The following POLR3A variants were observed in gnomAD, a reference collection of about 807,000 sequenced individuals.
POLR3A encodes DNA-directed RNA polymerase III subunit RPC1.
In POLR3A, 112 loss-of-function variants were observed where a neutral mutation model predicts 152.8. That is an observed-to-expected ratio of 0.73 (90% CI 0.63 to 0.86). The LOEUF (loss-of-function observed/expected upper bound fraction) is 0.86. POLR3A is among the 40% of genes least tolerant of loss of function. The probability of loss-of-function intolerance (pLI) is 0.00; values close to 1 mark genes in which losing one functional copy is unlikely to be tolerated. For missense variants in POLR3A, 1,385 were observed against 1,743.1 expected (o/e 0.79, Z 3.66); for synonymous variants, 615 against 652.1 (o/e 0.94, Z 0.87).
intron 21 of POLR3A, among the ~76,000 whole-genome samples, chr10:77,989,675 A>G (rs1308502286): frequency 1.3e-5 from 2 of 152,194 alleles, no homozygotes; most frequent in Admixed American, 6.5e-5. Context: ...GCGCTGGCAA[A>G]TGCTGGGGTG....
chr10:78,006,536 T>C (rs548599192), intron 15 of POLR3A, among the ~76,000 whole-genome samples: 3 of 151,094 alleles, frequency 2.0e-5, no homozygotes, highest in East Asian at 2.0e-4. Context: ...AAAGTGAATC[T>C]AGAATAAAGA....
At chr10:78,022,926 G>T (rs746136873) in intron 5 of POLR3A, among the ~76,000 whole-genome samples, 7 of 152,206 alleles carry the variant, frequency 4.6e-5, no homozygotes, top group Non-Finnish European at 7.3e-5. Context: ...GGAAGGCCGA[G>T]GTAGGTAGAT....
intron 8 of POLR3A, chr10:78,019,788 G>A (rs1468433690): frequency 6.0e-6 from 1 of 166,320 alleles, no homozygotes; most frequent in African/African-American, 2.4e-5. Context: ...GAACATCTAT[G>A]ATCTGGGCTA....
chr10:78,019,551 C>G, intron 8 of POLR3A: 1 of 461,340 alleles, frequency 2.2e-6, no homozygotes, highest in South Asian at 2.2e-5. Flanking sequence ...CTAGACTGAT[C>G]TATAGGAACC....
intron 10 of POLR3A, among the ~76,000 whole-genome samples, chr10:78,014,936 T>C (rs1847504833): frequency 6.6e-6 from 1 of 152,060 alleles, no homozygotes; most frequent in South Asian, 2.1e-4. Context: ...AAAAGTGGGG[T>C]TCCATTTTGC....
chr10:78,004,654 G>T, intron 16 of POLR3A, 62 bp downstream of exon 16: 2 of 1,328,842 alleles, frequency 1.5e-6, no homozygotes, highest in Non-Finnish European at 2.1e-6. Context: ...CAACCCCAGA[G>T]AGCACCACCG....
At position 78,021,552 on chromosome 10, in the gene POLR3A, A is replaced by G; in HGVS notation, c.1179T>C (p.Pro393=). The G allele has an allele frequency of 6.2e-7, 1 of 1,614,082 alleles. No individual in the cohort carries two copies. The highest frequency in any genetic ancestry group is 8.5e-7 in the Non-Finnish European group (1 of 1,179,942). ...PVHVAKILTF[P]EKVNKANINF... ...CAGCTGAGTGGTCACTTACCTTCTC[A>G]GGAAAAGTTAGAATTTTGGCCACAT... The change falls in exon 8 of 31, where the codon CCT becomes CCC. Residue 393 remains proline (P), a synonymous_variant. Coordinates refer to ENST00000372371, the MANE Select transcript of POLR3A (RefSeq NM_007055.4).
chr10:77,996,491 T>C (rs1477766523), intron 19 of POLR3A, among the ~76,000 whole-genome samples: 3 of 152,038 alleles, frequency 2.0e-5, no homozygotes, highest in African/African-American at 7.3e-5. Flanking sequence ...TCACCAACGA[T>C]CCCACAGAAA....
chr10:77,977,834 G>A (rs1270779812), intron 30 of POLR3A, among the ~76,000 whole-genome samples: 3 of 152,140 alleles, frequency 2.0e-5, no homozygotes, highest in Non-Finnish European at 4.4e-5. Context: ...TTCAGGGAAG[G>A]GCAGGGCTTG....
chr10:78,024,443 T>C, intron 5 of POLR3A, 106 bp downstream of exon 5: 1 of 1,054,744 alleles, frequency 9.5e-7, no homozygotes, highest in African/African-American at 1.6e-5. Context: ...TGGAAGAAAG[T>C]GGGTGTCTAG....
intron 9 of POLR3A, 53 bp downstream of exon 9, chr10:78,019,109 T>C (rs748371720): frequency 3.3e-6 from 4 of 1,224,872 alleles, no homozygotes; most frequent in Non-Finnish European, 4.8e-6. Flanking sequence ...ATGACCACAG[T>C]GAGCTTTGCC....
chr10:78,022,182 A>C lies in POLR3A; in HGVS notation c.848T>G (p.Leu283Arg). Residue 283 changes from leucine (L) to arginine (R), a missense_variant, in exon 6 of 31, where the codon CTG becomes CGG. By Grantham distance (102) the Leu-to-Arg change is moderately radical. Transcript: ENST00000372371. ...GTNEDDLTMK[L>R]TEIIFLNDVI... ...ATCGTTTAGGAAAATGATTTCTGTC[A>C]GTTTCATTGTCAGATCATCTTCATT... is the stretch of plus-strand genomic sequence containing the variant. 6.2e-7 allele frequency: 1 copy of C among 1,614,202 alleles called. No individual in the cohort carries two copies. The highest frequency in any genetic ancestry group is 8.5e-7 in the Non-Finnish European group (1 of 1,180,000).
At chr10:77,978,570 T>G (rs1178177290) in intron 30 of POLR3A, among the ~76,000 whole-genome samples, 1 of 152,096 alleles carries the variant, frequency 6.6e-6, no homozygotes. Context: ...GACTTGCTCT[T>G]CTCTTGGCCT....
chr10:78,025,842 C>T, intron 2 of POLR3A, 83 bp from the exon 3 acceptor site: 3 of 1,320,408 alleles, frequency 2.3e-6, no homozygotes, highest in Non-Finnish European at 2.2e-6. Context: ...GCTGGTGACA[C>T]AGAATCATTT....
chr10:78,011,150 A>G (rs920257617), intron 11 of POLR3A, among the ~76,000 whole-genome samples: 2 of 152,098 alleles, frequency 1.3e-5, no homozygotes, highest in African/African-American at 2.4e-5. Context: ...ACCCAGCCCT[A>G]TTGTTATTAC....
At chr10:78,029,279 C>G in intron 1 of POLR3A, 85 bp downstream of exon 1, 1 of 1,398,138 alleles carries the variant, frequency 7.2e-7, no homozygotes, top group South Asian at 1.2e-5. Flanking sequence ...TGCACCCCAT[C>G]TCTGACCCTG....
Position 77,982,760 on chromosome 10 carries a change from C to G in POLR3A, c.3487G>C (p.Gly1163Arg), listed in dbSNP as rs746562221. 6 of 1,613,944 alleles carry G rather than the reference C, an allele frequency of 3.7e-6. No homozygotes were observed. In the East Asian group the frequency reaches 1.3e-4, roughly 36 times the overall value. The change falls in exon 27 of 31, where the codon GGT becomes CGT. Residue 1163 changes from glycine (G) to arginine (R), a missense_variant. By Grantham distance (125) the Gly-to-Arg change is moderately radical (BLOSUM62 -2). This residue lies in a region of POLR3A where 332 missense variants were observed against 400.1 expected (regional missense o/e 0.83). Transcript: ENST00000372371. The stretch of plus-strand genomic sequence containing the variant: ...GCCTCACCATGAACAGCCACATCAC[C>G]GGGCTTCACACGGAGCTTGGATGTG... ...ICTSKLRVKP[G>R]DVAVHGEAVV...
intron 23 of POLR3A, 132 bp downstream of exon 23, chr10:77,985,771 A>T: frequency 1.3e-6 from 1 of 747,202 alleles, no homozygotes; most frequent in Non-Finnish European, 2.4e-6. Flanking sequence ...CCTACAGAAA[A>T]TGTGACAGAA....
At chr10:77,991,220 G>A (rs1186409356) in intron 20 of POLR3A, 53 bp from the exon 21 acceptor site, 8 of 978,010 alleles carry the variant, frequency 8.2e-6, no homozygotes, top group Admixed American at 5.2e-5. Context: ...GAGAGCAGGC[G>A]GTAGTAGATG....
Sources: gnomAD v4.1 joint callset for allele counts (sites outside exome capture counted in the v4.1 genomes callset) on GRCh38, gnomAD v4.1.1 for gene constraint, gnomAD v4.1.1 regional missense constraint, MANE v1.5 for transcripts, NCBI Gene and HGNC (gene_info 2026-07-23, HGNC 2026-07-21) for gene names.